The following ICE2 variants were observed in gnomAD, a reference collection of about 807,000 sequenced individuals.
The protein encoded by ICE2 is interactor of little elongation complex ELL subunit 2.
A neutral mutation model predicts 105.4 loss-of-function variants in ICE2; 87 were observed. That is an observed-to-expected ratio of 0.83 (90% confidence interval 0.69 to 0.99). ICE2 has a LOEUF of 0.99. Among genes scored for constraint, ICE2 ranks in the 50% least tolerant of loss-of-function variants. The pLI, the probability that ICE2 is intolerant of heterozygous loss-of-function variation, is 0.00. For missense variants in ICE2, 1,323 were observed against 1,146.7 expected (o/e 1.15, Z -2.22); for synonymous variants, 399 against 392.0 (o/e 1.02, Z -0.21).
intron 3 of ICE2, among the ~76,000 whole-genome samples, chr15:60,469,420 G>A (rs1212510871): frequency 8.6e-5 from 13 of 151,872 alleles, no homozygotes; most frequent in South Asian, 2.1e-4. Context: ...ACAAACCAGC[G>A]CATCCTGCAC....
intron 3 of ICE2, among the ~76,000 whole-genome samples, chr15:60,469,946 A>G (rs1169007187): frequency 6.6e-6 from 1 of 152,244 alleles, no homozygotes; most frequent in East Asian, 1.9e-4. Context: ...TTAGAAGTGC[A>G]TCAAAAACTA....
intron 12 of ICE2, chr15:60,441,632 CAG>C (rs2063722601): frequency 6.6e-6 from 1 of 152,190 alleles, no homozygotes; most frequent in African/African-American, 2.4e-5. Context: ...AAAGACTACA[CAG>C]AGGAGCAGTC....
In ICE2 at chr15:60,453,775, G is replaced by A; in HGVS notation, c.953C>T (p.Pro318Leu). ...IQVIPVAGSK[P>L]VKVIYINSPL... ...TGAATTAATATATATTACTTTAACT[G>A]GTTTTGAACCTTAAAACAGAAACCA... The change falls in exon 9 of 16, where the codon CCA (proline) becomes CTA (leucine). Residue 318 changes from proline to leucine, a missense_variant. Coordinates refer to ENST00000261520, the MANE Select transcript of ICE2 (RefSeq NM_024611.6). 1 of 1,572,252 alleles carries A rather than the reference G, an allele frequency of 6.4e-7. No homozygotes were observed. Among genetic ancestry groups the A allele is most frequent in the African/African-American group, 1.4e-5 (1 of 73,872 alleles).
rs1287248398 is a variant in ICE2, at chr15:60,419,721, A to T, written c.*3913T>A. On this transcript the variant is annotated 3_prime_UTR_variant, in exon 16 of 16. Coordinates refer to ENST00000261520, the MANE Select transcript of ICE2 (RefSeq NM_024611.6). ...AAAACTACTACATACCAAACAAAAA[A>T]ACAGAACAAAACAAAATACTACTAT... is the stretch of plus-strand genomic sequence containing the variant. 7.2e-6 allele frequency: 1 copy of T among 138,104 alleles called. No homozygotes were observed. Among genetic ancestry groups the T allele is most frequent in the Non-Finnish European group, 1.6e-5 (1 of 62,188 alleles). 8.6% of individuals were successfully genotyped at this position (138,104 alleles called of 1,614,324 possible). A position where few individuals can be genotyped will look rare whatever the true frequency, so the allele number is the denominator to read the frequency against.
In ICE2 at chr15:60,448,950, T is replaced by C; in HGVS notation, c.2017A>G (p.Asn673Asp). The change falls in exon 10 of 16, where the codon AAT (asparagine) becomes GAT (aspartate). Residue 673 changes from asparagine (N) to aspartate (D), a missense_variant. Physicochemically the swap from Asn to Asp is conservative, Grantham distance 23 (BLOSUM62 1). Transcript: ENST00000261520. ...VPELPLMNLE[N>D]SKQPSVSEQL... is the part of the protein sequence containing the mutation. Reference sequence around the variant, plus strand: ...TCAGAAACAGAAGGCTGTTTAGAATTTTCTAAATTCATTAAGGGCAATTCT... The same window carrying C: ...TCAGAAACAGAAGGCTGTTTAGAATCTTCTAAATTCATTAAGGGCAATTCT... 1 of 1,614,084 alleles carries C rather than the reference T, an allele frequency of 6.2e-7. No individual in the cohort carries two copies. The highest frequency in any genetic ancestry group is 8.5e-7 in the Non-Finnish European group (1 of 1,179,958).
chr15:60,478,989 G>C lies in ICE2; in HGVS notation c.-93+14C>G. ...CCGTCCGCGTCTGGGCTGCAACACA[G>C]CCTTTCCGCCCACCTCATGGTCCGC... On this transcript the variant is annotated intron_variant, in intron 1 of 15. Coordinates refer to ENST00000261520, the MANE Select transcript of ICE2 (RefSeq NM_024611.6). 1 of 455,956 alleles carries C rather than the reference G, an allele frequency of 2.2e-6. No homozygotes were observed. Among genetic ancestry groups the C allele is most frequent in the Non-Finnish European group, 4.4e-6 (1 of 226,746 alleles). The allele number at this position is 455,956 out of a possible 1,614,324, so 28.2% of individuals were successfully genotyped here. A position where few individuals can be genotyped will look rare whatever the true frequency, so the allele number is the denominator to read the frequency against.
At chr15:60,435,199 T>C (rs983439463) in intron 13 of ICE2, among the ~76,000 whole-genome samples, 1 of 152,026 alleles carries the variant, frequency 6.6e-6, no homozygotes, top group Non-Finnish European at 1.5e-5. Flanking sequence ...GAGAATGGCA[T>C]GAACCCGGGA....
rs761512129 is a variant in ICE2, at chr15:60,456,717, C to G, written c.606G>C (p.Met202Ile). The G allele has an allele frequency of 4.4e-6, 7 of 1,596,946 alleles. No individual in the cohort carries two copies. The East Asian group carries it at 1.6e-4, about 36-fold the overall frequency. ...FYTLHEVTSL[M>I]GFFPFRVEMG... ...TCTCTACTCTGAATGGGAAGAATCC[C>G]ATTAAGCTGGTGACCTCGTGGAGAG... The change falls in exon 6 of 16, where the codon ATG becomes ATC. Residue 202 changes from methionine (M) to isoleucine (I), a missense_variant. Coordinates refer to ENST00000261520, the MANE Select transcript of ICE2 (RefSeq NM_024611.6).
chr15:60,474,803 C>A (rs2064710378), intron 3 of ICE2, among the ~76,000 whole-genome samples: 1 of 152,004 alleles, frequency 6.6e-6, no homozygotes, highest in Admixed American at 6.6e-5. Context: ...TTATTTAAAA[C>A]AGGAAAACTT....
At chr15:60,438,407 A>G (rs2063644058) in intron 12 of ICE2, 1 of 152,194 alleles carries the variant, frequency 6.6e-6, no homozygotes. Flanking sequence ...AAATAATTAG[A>G]AACATTTTTA....
Position 60,420,740 on chromosome 15 carries a change from AC to A in ICE2, c.*2893del, listed in dbSNP as rs2063234472. ...CTCAGCTCAAGTTCTATCTCAGAAAACCTTAACTACCAAGATCTGGTTAGAT... is the reference window on the plus strand; with the variant it reads ...CTCAGCTCAAGTTCTATCTCAGAAAACTTAACTACCAAGATCTGGTTAGAT... On this transcript the variant is annotated 3_prime_UTR_variant, in exon 16 of 16. Coordinates refer to ENST00000261520, the MANE Select transcript of ICE2 (RefSeq NM_024611.6). The A allele has an allele frequency of 6.6e-6, 1 of 152,124 alleles. No homozygotes were observed. Among genetic ancestry groups the A allele is most frequent in the African/African-American group, 2.4e-5 (1 of 41,414 alleles). 9.4% of individuals were successfully genotyped at this position (152,124 alleles called of 1,614,324 possible). A position where few individuals can be genotyped will look rare whatever the true frequency, so the allele number is the denominator to read the frequency against.
chr15:60,437,412 G>A (rs1175276365), intron 12 of ICE2, among the ~76,000 whole-genome samples: 2 of 150,896 alleles, frequency 1.3e-5, no homozygotes, highest in Non-Finnish European at 3.0e-5. Flanking sequence ...TTGGCTCACT[G>A]CAACTTCTGC....
intron 8 of ICE2, among the ~76,000 whole-genome samples, chr15:60,454,342 A>C (rs1328387804): frequency 6.6e-6 from 1 of 152,064 alleles, no homozygotes; most frequent in Admixed American, 6.6e-5. Flanking sequence ...TCCAAATTCC[A>C]GTAACGAACA....
At chr15:60,476,002 C>T in intron 3 of ICE2, 61 bp downstream of exon 3, 1 of 1,130,716 alleles carries the variant, frequency 8.8e-7, no homozygotes, top group Middle Eastern at 2.1e-4. Context: ...ACACATAAAA[C>T]TTCAACTATC....
chr15:60,462,587 C>A (rs1317021694), intron 5 of ICE2, among the ~76,000 whole-genome samples: 1 of 151,976 alleles, frequency 6.6e-6, no homozygotes, highest in East Asian at 1.9e-4. Context: ...AGAAAAACTG[C>A]AACATACATA....
chr15:60,429,523 T>C (rs2063409935), intron 14 of ICE2, among the ~76,000 whole-genome samples: 3 of 152,190 alleles, frequency 2.0e-5, no homozygotes, highest in Admixed American at 1.3e-4. Flanking sequence ...TGTATCATCT[T>C]AAAGAACTAA....
At chr15:60,432,824 G>A (rs1009217788) in intron 13 of ICE2, among the ~76,000 whole-genome samples, 1 of 151,892 alleles carries the variant, frequency 6.6e-6, no homozygotes, top group Non-Finnish European at 1.5e-5. Context: ...CCCGGGAGGC[G>A]GAGCTTGCAG....
intron 11 of ICE2, among the ~76,000 whole-genome samples, chr15:60,446,557 G>A (rs559793923): frequency 1.3e-5 from 2 of 152,016 alleles, no homozygotes; most frequent in South Asian, 2.1e-4. Context: ...CACCATACCC[G>A]GCTAATTTTT....
chr15:60,424,782 G>A (rs1426278063), intron 15 of ICE2, among the ~76,000 whole-genome samples: 2 of 152,138 alleles, frequency 1.3e-5, no homozygotes, highest in African/African-American at 2.4e-5. Context: ...CTGGGATTAT[G>A]GGCATGAGCC....
Sources: gnomAD v4.1 joint callset for allele counts (sites outside exome capture counted in the v4.1 genomes callset) on GRCh38, gnomAD v4.1.1 for gene constraint, MANE v1.5 for transcripts, NCBI Gene and HGNC (gene_info 2026-07-23, HGNC 2026-07-21) for gene names.